Variants in AFF1 observed in about 807,000 individuals in gnomAD.
The protein encoded by AFF1 is ALF transcription elongation factor 1, also known as AF4/FMR2 family member 1.
A neutral mutation model predicts 121.7 loss-of-function variants in AFF1; 48 were observed. That is an observed-to-expected ratio of 0.39 (90% CI 0.31 to 0.50). AFF1 has a LOEUF of 0.50. Among genes scored for constraint, AFF1 ranks in the 20% least tolerant of loss-of-function variants. AFF1 has a pLI of 0.76. For missense variants in AFF1, 1,523 were observed against 1,511.7 expected, an observed-to-expected ratio of 1.01 and a Z score of -0.12; for synonymous variants, 613 against 563.0, an observed-to-expected ratio of 1.09 and a Z score of -1.26.
At chr4:87,004,398 T>C (rs1009262162) in intron 2 of AFF1, among the ~76,000 whole-genome samples, 1 of 152,222 alleles carries the variant, frequency 6.6e-6, no homozygotes, top group African/African-American at 2.4e-5. Context: ...ATTTAAAATA[T>C]TTATTTTTAA....
At chr4:87,063,228 CTTTTTTTTTTTTTTTTTTT>C (rs569577993) in intron 4 of AFF1, among the ~76,000 whole-genome samples, 1 of 44,402 alleles carries the variant, frequency 2.3e-5, no homozygotes, top group Non-Finnish European at 4.2e-5. Flanking sequence ...AGATTCACCT[CTTTTTTTTTTTTTTTTTTT>C]TTTTTTTTTG....
intron 2 of AFF1, among the ~76,000 whole-genome samples, chr4:87,043,164 G>T (rs770906293): frequency 6.6e-6 from 1 of 152,180 alleles, no homozygotes; most frequent in South Asian, 2.1e-4. Flanking sequence ...CCTGTGAAGC[G>T]GAGCCTAAGG....
chr4:87,005,892 A>G (rs1726074304), intron 2 of AFF1, among the ~76,000 whole-genome samples: 1 of 152,258 alleles, frequency 6.6e-6, no homozygotes, highest in Admixed American at 6.5e-5. Context: ...CGAAGGCGCC[A>G]GCAGTTTCCC....
chr4:87,084,211 G>C, intron 5 of AFF1, 47 bp downstream of exon 5: 3 of 1,573,288 alleles, frequency 1.9e-6, no homozygotes, highest in Non-Finnish European at 2.6e-6. Context: ...ATTTAAGTAG[G>C]TAGGCGTACA....
At chr4:86,973,292 C>A (rs1218125188) in intron 2 of AFF1, among the ~76,000 whole-genome samples, 2 of 151,974 alleles carry the variant, frequency 1.3e-5, no homozygotes, top group African/African-American at 4.8e-5. Flanking sequence ...TGGTTGGATC[C>A]CATGCCCGTT....
At chr4:87,048,203 C>G (rs536421890) in intron 4 of AFF1, among the ~76,000 whole-genome samples, 4 of 151,998 alleles carry the variant, frequency 2.6e-5, no homozygotes, top group Non-Finnish European at 5.9e-5. Flanking sequence ...TTATTTATCA[C>G]CTAAAAAAGA....
chr4:87,097,375 A>G (rs1200608561), intron 8 of AFF1, among the ~76,000 whole-genome samples: 1 of 152,166 alleles, frequency 6.6e-6, no homozygotes, highest in Non-Finnish European at 1.5e-5. Context: ...GTCACACCCT[A>G]CCACTCCAAT....
At chr4:86,947,490 A>G (rs202155279) in intron 1 of AFF1, among the ~76,000 whole-genome samples, 1 of 152,342 alleles carries the variant, frequency 6.6e-6, no homozygotes, top group East Asian at 1.9e-4. Flanking sequence ...ATGATTACAA[A>G]TTTAATGTGT....
rs1332398988 is a variant in AFF1 at position 87,132,478 on chromosome 4, A to G, written c.3311+70A>G. ...TCTTTATTTACTTCTTGCTTTTGCA[A>G]CCATTTGTATGCTTACATATGTCAC... On this transcript the variant is annotated intron_variant, in intron 19 of 20. Transcript: ENST00000395146. 3.3e-6 allele frequency: 5 copies of G among 1,504,728 alleles called. No homozygotes were observed. The East Asian group carries it at 7.3e-5, about 22-fold the overall frequency. 93.2% of individuals were successfully genotyped at this position (1,504,728 alleles called of 1,614,324 possible).
At chr4:86,962,822 A>G (rs1426786630) in intron 2 of AFF1, among the ~76,000 whole-genome samples, 2 of 152,192 alleles carry the variant, frequency 1.3e-5, no homozygotes, top group African/African-American at 2.4e-5. Flanking sequence ...TTCTCATTTC[A>G]TATTTACTAC....
chr4:87,007,485 C>CG, intron 2 of AFF1: 5 of 1,599,572 alleles, frequency 3.1e-6, no homozygotes, highest in Non-Finnish European at 4.3e-6. Context: ...CTGAAGGTTG[C>CG]GGGGGAGGGC....
intron 2 of AFF1, among the ~76,000 whole-genome samples, chr4:86,957,003 T>C (rs1721789527): frequency 6.6e-6 from 1 of 152,232 alleles, no homozygotes; most frequent in African/African-American, 2.4e-5. Flanking sequence ...TTTATTTGCA[T>C]GTACTTTTTC....
In AFF1 at chr4:86,958,465, T is replaced by A. The variant is rs549880336; in HGVS notation, c.38+9894T>A. Among the ~76,000 whole-genome samples, 17 of 151,810 alleles carry A rather than the reference T, an allele frequency of 1.1e-4. No homozygotes were observed. The South Asian group carries it at 3.4e-3, about 30-fold the overall frequency. ...AGGTGCGGTGGCTCATGCCTGTAATTCCAGCATTTTGGGAGGCCACGGTGG... is the reference window on the plus strand; with the variant it reads ...AGGTGCGGTGGCTCATGCCTGTAATACCAGCATTTTGGGAGGCCACGGTGG... On this transcript the variant is annotated intron_variant, in intron 2 of 20. Coordinates refer to ENST00000395146, the MANE Select transcript of AFF1 (RefSeq NM_001166693.3).
intron 12 of AFF1, among the ~76,000 whole-genome samples, chr4:87,124,045 G>C (rs531987954): frequency 6.6e-6 from 1 of 152,324 alleles, no homozygotes; most frequent in South Asian, 2.1e-4. Context: ...GCCATGGGAA[G>C]GAGGCCGTCA....
At chr4:87,088,456 A>G (rs114999589) in intron 5 of AFF1, among the ~76,000 whole-genome samples, 3,065 of 152,372 alleles carry the variant, frequency 0.02, 110 homozygotes, top group African/African-American at 0.07. Flanking sequence ...TGCCATCTCC[A>G]GCTGTTGCAA....
At chr4:87,086,158 T>G (rs1723714123) in intron 5 of AFF1, among the ~76,000 whole-genome samples, 1 of 152,234 alleles carries the variant, frequency 6.6e-6, no homozygotes, top group Admixed American at 6.5e-5. Context: ...CTGAAATTTG[T>G]TGGTATGGTA....
intron 2 of AFF1, among the ~76,000 whole-genome samples, chr4:87,005,420 C>G (rs566601149): frequency 1.3e-5 from 2 of 152,318 alleles, no homozygotes; most frequent in African/African-American, 2.4e-5. Context: ...GTGGCAGATG[C>G]AAAAAGTCTT....
chr4:86,967,338 TAAAC>T (rs1722606863), intron 2 of AFF1, among the ~76,000 whole-genome samples: 2 of 152,022 alleles, frequency 1.3e-5, no homozygotes, highest in African/African-American at 4.8e-5. Context: ...AAAACAGAAG[TAAAC>T]CGTAGGGCCC....
intron 2 of AFF1, among the ~76,000 whole-genome samples, chr4:87,033,232 T>TA (rs1413657082): frequency 6.6e-6 from 1 of 152,258 alleles, no homozygotes; most frequent in Non-Finnish European, 1.5e-5. Flanking sequence ...CCACTGTTCT[T>TA]ATCAATACAC....
Sources: gnomAD v4.1 joint callset for allele counts (sites outside exome capture counted in the v4.1 genomes callset) on GRCh38, gnomAD v4.1.1 for gene constraint, MANE v1.5 for transcripts, NCBI Gene and HGNC (gene_info 2026-07-23, HGNC 2026-07-21) for gene names.